The following AFF3 variants were observed in gnomAD, a reference collection of about 807,000 sequenced individuals.
AFF3 encodes the protein ALF transcription elongation factor 3, also known as AF4/FMR2 family member 3.
In AFF3, 32 loss-of-function variants were observed where a neutral mutation model predicts 129.7. The ratio of observed to expected loss-of-function variants is 0.25; its 90% CI spans 0.19 to 0.33. The LOEUF (loss-of-function observed/expected upper bound fraction) is 0.33, where lower values mean the gene tolerates loss of function less well. Among genes scored for constraint, AFF3 ranks in the 10% least tolerant of loss-of-function variants. AFF3 has a pLI of 1.00. For missense variants in AFF3, 1,373 were observed against 1,592.0 expected, an observed-to-expected ratio of 0.86 and a Z score of 2.34; for synonymous variants, 644 against 635.4, an observed-to-expected ratio of 1.01 and a Z score of -0.20.
chr2:99,826,782 A>C (rs1238670194), intron 8 of AFF3, among the ~76,000 whole-genome samples: 1 of 152,168 alleles, frequency 6.6e-6, no homozygotes, highest in Non-Finnish European at 1.5e-5. Context: ...TCCTGAACTC[A>C]GGGGAGAGCC....
At chr2:99,783,523 C>T (rs897972750) in intron 8 of AFF3, among the ~76,000 whole-genome samples, 1 of 152,226 alleles carries the variant, frequency 6.6e-6, no homozygotes, top group African/African-American at 2.4e-5. Flanking sequence ...CAGAGGAATA[C>T]ACGGCACAGG....
At chr2:100,139,408 A>G (rs1692772047) in intron 1 of AFF3, among the ~76,000 whole-genome samples, 1 of 152,192 alleles carries the variant, frequency 6.6e-6, no homozygotes, top group Non-Finnish European at 1.5e-5. Flanking sequence ...GATTTAAACC[A>G]TGGTAATTTT....
At chr2:99,788,008 C>G (rs1684929436) in intron 8 of AFF3, among the ~76,000 whole-genome samples, 1 of 152,188 alleles carries the variant, frequency 6.6e-6, no homozygotes, top group Non-Finnish European at 1.5e-5. Flanking sequence ...GTCCTATCAC[C>G]TAGTGATGCA....
intron 7 of AFF3, among the ~76,000 whole-genome samples, chr2:99,951,498 G>A (rs1226289989): frequency 6.6e-6 from 1 of 152,088 alleles, no homozygotes; most frequent in African/African-American, 2.4e-5. Flanking sequence ...GCAGTTCCTT[G>A]AAAGATGTTT....
At chr2:100,132,179 A>T (rs1156238623) in intron 1 of AFF3, among the ~76,000 whole-genome samples, 7 of 152,244 alleles carry the variant, frequency 4.6e-5, no homozygotes. Context: ...CAGCATGGTG[A>T]CTATACTTAA....
chr2:100,134,824 TGGGATACA>T (rs1692565853), intron 1 of AFF3, among the ~76,000 whole-genome samples: 1 of 152,204 alleles, frequency 6.6e-6, no homozygotes, highest in Admixed American at 6.5e-5. Context: ...TCTAGGTCCT[TGGGATACA>T]AGAAGGAACT....
chr2:100,137,483 TC>T lies in AFF3; in HGVS notation c.-228+5000del, dbSNP rs1249444754. 9.2e-5 allele frequency among the ~76,000 whole-genome samples: 14 copies of T among 152,336 alleles called. 1 individual carries two copies. The South Asian group carries it at 2.9e-3, about 32-fold the overall frequency. On this transcript the variant is annotated intron_variant, in intron 1 of 24. Coordinates refer to ENST00000672756, the MANE Select transcript of AFF3 (RefSeq NM_001386135.1). ...GAGCCCCTAACTTACCCCTCAGTAC[TC>T]TTCCTGGTTATGTGTGCCTGGTGCG...
At chr2:99,879,047 T>C (rs1355658133) in intron 7 of AFF3, among the ~76,000 whole-genome samples, 1 of 152,218 alleles carries the variant, frequency 6.6e-6, no homozygotes, top group Non-Finnish European at 1.5e-5. Context: ...AGCCCAGGAA[T>C]CTGCGGGTAA....
chr2:99,811,259 G>A (rs1043781662), intron 8 of AFF3, among the ~76,000 whole-genome samples: 8 of 152,210 alleles, frequency 5.3e-5, no homozygotes, highest in Non-Finnish European at 1.5e-5. Flanking sequence ...AAGGTGATAA[G>A]TATGTAAAAT....
chr2:100,021,196 T>G (rs1683563424), intron 4 of AFF3, among the ~76,000 whole-genome samples: 1 of 152,216 alleles, frequency 6.6e-6, no homozygotes, highest in African/African-American at 2.4e-5. Context: ...ATGGCACTTC[T>G]TATGCTAATT....
intron 12 of AFF3, among the ~76,000 whole-genome samples, chr2:99,670,985 T>C (rs904932588): frequency 1.3e-5 from 2 of 152,222 alleles, no homozygotes; most frequent in African/African-American, 4.8e-5. Context: ...TTAGAGAACA[T>C]GTATAGTACG....
chr2:99,865,609 C>T (rs932417031), intron 7 of AFF3, among the ~76,000 whole-genome samples: 1 of 152,118 alleles, frequency 6.6e-6, no homozygotes, highest in Non-Finnish European at 1.5e-5. Flanking sequence ...AGCTTAGCAG[C>T]CCTGTGTGTC....
chr2:99,807,518 C>T (rs764317331), intron 8 of AFF3, among the ~76,000 whole-genome samples: 7 of 152,118 alleles, frequency 4.6e-5, no homozygotes, highest in South Asian at 2.1e-4. Context: ...AATTCTACTC[C>T]GTGGTCCTGG....
intron 7 of AFF3, among the ~76,000 whole-genome samples, chr2:99,868,586 G>A (rs1691620809): frequency 6.6e-6 from 1 of 152,190 alleles, no homozygotes; most frequent in African/African-American, 2.4e-5. Flanking sequence ...AGGCCTGGAG[G>A]AAGAGGACCA....
intron 7 of AFF3, among the ~76,000 whole-genome samples, chr2:99,857,453 C>G (rs1489645733): frequency 6.6e-6 from 1 of 152,194 alleles, no homozygotes; most frequent in Non-Finnish European, 1.5e-5. Flanking sequence ...AGATGTTTAA[C>G]TACAGGGCTG....
At chr2:99,609,750 A>G (rs866356601) in intron 13 of AFF3, among the ~76,000 whole-genome samples, 1 of 152,366 alleles carries the variant, frequency 6.6e-6, no homozygotes, top group Non-Finnish European at 1.5e-5. Flanking sequence ...GTTACTCCCA[A>G]GGTTAAATCT....
chr2:100,044,230 C>A (rs1197051894), intron 4 of AFF3, among the ~76,000 whole-genome samples: 1 of 152,254 alleles, frequency 6.6e-6, no homozygotes, highest in East Asian at 1.9e-4. Context: ...ATCCTCCATT[C>A]TACCCTCTCA....
chr2:99,829,663 T>A (rs540585899), intron 8 of AFF3, among the ~76,000 whole-genome samples: 1 of 152,294 alleles, frequency 6.6e-6, no homozygotes, highest in South Asian at 2.1e-4. Context: ...GAAAGAGGAA[T>A]GCTTTTACAC....
intron 4 of AFF3, among the ~76,000 whole-genome samples, chr2:100,039,283 G>A (rs892113896): frequency 6.6e-5 from 10 of 152,136 alleles, no homozygotes; most frequent in Admixed American, 5.2e-4. Flanking sequence ...CTTGGGCAGC[G>A]CACAGTGGCT....
Sources: gnomAD v4.1 joint callset for allele counts (sites outside exome capture counted in the v4.1 genomes callset) on GRCh38, gnomAD v4.1.1 for gene constraint, MANE v1.5 for transcripts, NCBI Gene and HGNC (gene_info 2026-07-23, HGNC 2026-07-21) for gene names.